Variants in HDC observed in about 807,000 individuals in gnomAD.
The protein encoded by HDC is histidine decarboxylase.
A neutral mutation model predicts 64.4 loss-of-function variants in HDC; 27 were observed. That is an observed-to-expected ratio of 0.42 (90% CI 0.31 to 0.58). The LOEUF (loss-of-function observed/expected upper bound fraction) is 0.58. Ranked by LOEUF, HDC falls within the 20% of genes least tolerant of loss-of-function variation. HDC has a pLI of 0.16. For missense variants in HDC, 711 were observed against 833.9 expected (o/e 0.85, Z 1.81); for synonymous variants, 305 against 314.2 (o/e 0.97, Z 0.31).
In HDC at chr15:50,250,486, G is replaced by A. The variant is rs192496968; in HGVS notation, c.1041+1944C>T. Among the ~76,000 whole-genome samples the A allele has an allele frequency of 3.9e-5, 6 of 152,280 alleles. 1 individual carries two copies. The East Asian group carries it at 1.2e-3, about 29-fold the overall frequency. ...AGAGTTTACTCTAACATTTTTATGA[G>A]TTATCTGGAAGACAGAGAGCACTGT... On this transcript the variant is annotated intron_variant, in intron 9 of 11. Transcript: ENST00000267845.
At chr15:50,250,626 G>A (rs2045542127) in intron 9 of HDC, among the ~76,000 whole-genome samples, 1 of 152,154 alleles carries the variant, frequency 6.6e-6, no homozygotes, top group Non-Finnish European at 1.5e-5. Context: ...ATGCTCCTCA[G>A]TTATGATGAC....
intron 11 of HDC, 37 bp from the exon 12 acceptor site, chr15:50,243,043 AC>A (rs1427564823): frequency 6.2e-7 from 1 of 1,613,998 alleles, no homozygotes; most frequent in Admixed American, 1.7e-5. Flanking sequence ...TCTCCATCGC[AC>A]CCCCTGTCAG....
intron 2 of HDC, among the ~76,000 whole-genome samples, chr15:50,262,842 G>A (rs2045722007): frequency 2.6e-5 from 4 of 152,114 alleles, no homozygotes; most frequent in South Asian, 4.2e-4. Flanking sequence ...CGTCGTCAGG[G>A]CCAGGCACTA....
At chr15:50,251,747 G>A (rs1030408179) in intron 9 of HDC, among the ~76,000 whole-genome samples, 23 of 151,928 alleles carry the variant, frequency 1.5e-4, no homozygotes, top group African/African-American at 5.3e-4. Flanking sequence ...CAGGAGAATC[G>A]CTTGAACCTG....
intron 10 of HDC, 140 bp from the exon 11 acceptor site, chr15:50,243,384 T>C: frequency 1.4e-6 from 1 of 708,382 alleles, no homozygotes; most frequent in South Asian, 1.5e-5. Flanking sequence ...CTCATTGTCA[T>C]CTCCATTTGA....
At chr15:50,254,329 C>T (rs185448802) in intron 5 of HDC, 56 bp from the exon 6 acceptor site, 1 of 1,605,054 alleles carries the variant, frequency 6.2e-7, no homozygotes, top group African/African-American at 1.3e-5. Context: ...GATCACCCCC[C>T]AGAAACTGCT....
At chr15:50,251,841 A>AG (rs553007531) in intron 9 of HDC, among the ~76,000 whole-genome samples, 29 of 151,644 alleles carry the variant, frequency 1.9e-4, no homozygotes, top group East Asian at 9.7e-4. Flanking sequence ...CAGAAAAAAA[A>AG]AAAGAAAGAA....
intron 1 of HDC, among the ~76,000 whole-genome samples, chr15:50,263,820 A>T (rs1821495708): frequency 6.6e-6 from 1 of 152,100 alleles, no homozygotes; most frequent in Non-Finnish European, 1.5e-5. Context: ...CGAGGGTAGG[A>T]TCTGATCCCC....
Position 50,258,527 on chromosome 15 carries a change from G to A in HDC, c.205-10C>T, listed in dbSNP as rs1324808771. On this transcript the variant is annotated splice_polypyrimidine_tract_variant and intron_variant, in intron 2 of 11. Transcript: ENST00000267845. ...TCTGCCAATGTACCACCTGGAGGCA[G>A]AGCATGCACAGAGTTGGCACCAGGA... 2 of 1,545,322 alleles carry A rather than the reference G, an allele frequency of 1.3e-6. No homozygotes were observed. Among genetic ancestry groups the A allele is most frequent in the Non-Finnish European group, 1.8e-6 (2 of 1,117,436 alleles).
In HDC at chr15:50,258,507, C is replaced by G; in HGVS notation, c.215G>C (p.Trp72Ser). 6.2e-7 allele frequency: 1 copy of G among 1,606,914 alleles called. No homozygotes were observed. Among genetic ancestry groups the G allele is most frequent in the Non-Finnish European group, 8.5e-7 (1 of 1,173,656 alleles). ...ERIIMPGVVH[W>S]QSPHMHAYYP... Reference sequence around the variant, plus strand: ...GTAGGCGTGCATATGGGGGCTCTGCCAATGTACCACCTGGAGGCAGAGCAT... The same window carrying G: ...GTAGGCGTGCATATGGGGGCTCTGCGAATGTACCACCTGGAGGCAGAGCAT... The change falls in exon 3 of 12, where the codon TGG becomes TCG. Residue 72 changes from tryptophan to serine, a missense_variant. By Grantham distance (177) the Trp-to-Ser change is radical (BLOSUM62 -3). This residue lies in a region of HDC where 225 missense variants were observed against 276.2 expected (regional missense o/e 0.81). Transcript: ENST00000267845.
chr15:50,250,645 A>T (rs2045542338), intron 9 of HDC, among the ~76,000 whole-genome samples: 1 of 152,074 alleles, frequency 6.6e-6, no homozygotes, highest in Non-Finnish European at 1.5e-5. Flanking sequence ...ACCCAAATAC[A>T]CTCATAGGAG....
At chr15:50,254,856 C>A (rs1452920320) in intron 4 of HDC, among the ~76,000 whole-genome samples, 192 bp from the exon 5 acceptor site, 5 of 151,910 alleles carry the variant, frequency 3.3e-5, no homozygotes, top group Non-Finnish European at 7.4e-5. Flanking sequence ...CCCAGGGTGC[C>A]CATGTCCCTC....
At chr15:50,261,280 C>G (rs921617218) in intron 2 of HDC, among the ~76,000 whole-genome samples, 1 of 152,220 alleles carries the variant, frequency 6.6e-6, no homozygotes, top group Non-Finnish European at 1.5e-5. Flanking sequence ...TCAAATGAAT[C>G]AGCTCATTTC....
chr15:50,254,748 C>G (rs984940443), intron 4 of HDC, 84 bp from the exon 5 acceptor site: 1 of 746,024 alleles, frequency 1.3e-6, no homozygotes, highest in Non-Finnish European at 2.1e-6. Context: ...TTCTCTCTCT[C>G]TCTCTCTCTC....
chr15:50,257,531 C>A lies in HDC; in HGVS notation c.335G>T (p.Cys112Phe). The change falls in exon 4 of 12, where the codon TGT (cysteine) becomes TTT (phenylalanine). Residue 112 changes from cysteine to phenylalanine, a missense_variant. By Grantham distance (205) the Cys-to-Phe change is radical (BLOSUM62 -2). Coordinates refer to ENST00000267845, the MANE Select transcript of HDC (RefSeq NM_002112.4). Reference sequence around the variant, plus strand: ...CATGACGTTCATCTCCAGCTCTGTACACGCAGGGCTGGATGCCTGAGAAAG... The same window carrying A: ...CATGACGTTCATCTCCAGCTCTGTAAACGCAGGGCTGGATGCCTGAGAAAG... The part of the protein sequence containing the change: ...LGFTWASSPA[C>F]TELEMNVMDW... The A allele has an allele frequency of 6.2e-7, 1 of 1,614,124 alleles. No homozygotes were observed. The highest frequency in any genetic ancestry group is 1.1e-5 in the South Asian group (1 of 91,088).
At chr15:50,253,755 AC>A (rs2045589418) in intron 6 of HDC, 89 bp from the exon 7 acceptor site, 1 of 971,742 alleles carries the variant, frequency 1.0e-6, no homozygotes, top group African/African-American at 1.6e-5. Flanking sequence ...GACGTGATCT[AC>A]TCCCATCCAT....
chr15:50,257,770 A>C (rs2045651803), intron 3 of HDC, among the ~76,000 whole-genome samples: 1 of 152,218 alleles, frequency 6.6e-6, no homozygotes, highest in Non-Finnish European at 1.5e-5. Context: ...CGAATTCTCC[A>C]AGGCTCTATG....
chr15:50,252,427 C>A lies in HDC; in HGVS notation c.1041+3G>T. ...ACCAGGCTGCCCGTCCCTGGCCACT[C>A]ACCATGAAGTCGGTGGCCACGCCTG... On this transcript the variant is annotated splice_donor_region_variant and intron_variant, in intron 9 of 11. Transcript: ENST00000267845. The A allele has an allele frequency of 6.2e-7, 1 of 1,613,240 alleles. No individual in the cohort carries two copies. The highest frequency in any genetic ancestry group is 8.5e-7 in the Non-Finnish European group (1 of 1,179,132).
rs1260478956 is a variant in HDC, at chr15:50,254,117, T to C, written c.720+13A>G. 16 of 1,613,946 alleles carry C rather than the reference T, an allele frequency of 9.9e-6. No individual in the cohort carries two copies. The Admixed American group carries it at 1.3e-4, about 13-fold the overall frequency. On this transcript the variant is annotated intron_variant, in intron 6 of 11. Coordinates refer to ENST00000267845, the MANE Select transcript of HDC (RefSeq NM_002112.4). ...TTCTATCATTCTAAGCTTAGGCATATATCCTGACTTACAAAGACGGGCACC... is the reference window on the plus strand; with the variant it reads ...TTCTATCATTCTAAGCTTAGGCATACATCCTGACTTACAAAGACGGGCACC...
Sources: gnomAD v4.1 joint callset for allele counts (sites outside exome capture counted in the v4.1 genomes callset) on GRCh38, gnomAD v4.1.1 for gene constraint, gnomAD v4.1.1 regional missense constraint, MANE v1.5 for transcripts, NCBI Gene and HGNC (gene_info 2026-07-23, HGNC 2026-07-21) for gene names.